The following SOX5 variants were observed in gnomAD, a reference collection of about 807,000 sequenced individuals.
SOX5 encodes the protein transcription factor SOX-5.
SOX5 carries 9 observed loss-of-function variants against 92.0 expected under a neutral mutation model. That is an observed-to-expected ratio of 0.10 (90% confidence interval 0.06 to 0.17). The LOEUF is 0.17. Among genes scored for constraint, SOX5 ranks in the 10% least tolerant of loss-of-function variants. The pLI, the probability that SOX5 is intolerant of heterozygous loss-of-function variation, is 1.00. For synonymous variants in SOX5, 344 were observed against 336.3 expected, an observed-to-expected ratio of 1.02 and a Z score of -0.25; for missense variants, 642 against 944.5, an observed-to-expected ratio of 0.68 and a Z score of 4.20.
At chr12:23,844,126 G>A (rs944678765) in intron 3 of SOX5, among the ~76,000 whole-genome samples, 6 of 152,130 alleles carry the variant, frequency 3.9e-5, no homozygotes, top group Admixed American at 3.3e-4. Context: ...CCACCACAGG[G>A]CAAAATCATC....
At chr12:24,123,852 A>G (rs1437668872) in intron 4 of SOX5, among the ~76,000 whole-genome samples, 1 of 152,184 alleles carries the variant, frequency 6.6e-6, no homozygotes, top group African/African-American at 2.4e-5. Flanking sequence ...TCCTCCCTGT[A>G]TTGAGCACCA....
At chr12:24,158,011 A>C (rs1243636533) in intron 4 of SOX5, among the ~76,000 whole-genome samples, 1 of 152,058 alleles carries the variant, frequency 6.6e-6, no homozygotes, top group Admixed American at 6.6e-5. Context: ...GTTCCTTTAA[A>C]AGGAGAGTCT....
chr12:23,904,582 A>G (rs1034008372), intron 1 of SOX5, among the ~76,000 whole-genome samples: 9 of 152,218 alleles, frequency 5.9e-5, no homozygotes, highest in Admixed American at 2.0e-4. Flanking sequence ...TTATGAATAA[A>G]TTAATATTCT....
chr12:23,678,745 CA>C (rs74919860), intron 6 of SOX5, among the ~76,000 whole-genome samples: 65,732 of 151,848 alleles, frequency 0.43, 14,393 homozygotes, highest in Admixed American at 0.5. Context: ...GATAAAGAAA[CA>C]GGGAAGCCTA....
At position 23,604,550 on chromosome 12, in the gene SOX5, G is replaced by A. The variant is rs200894318; in HGVS notation, c.1018-17C>T. 5 of 1,610,440 alleles carry A rather than the reference G, an allele frequency of 3.1e-6. No homozygotes were observed. The East Asian group carries it at 1.1e-4, about 36-fold the overall frequency. On this transcript the variant is annotated splice_polypyrimidine_tract_variant and intron_variant, in intron 8 of 14. Coordinates refer to ENST00000451604, the MANE Select transcript of SOX5 (RefSeq NM_006940.6). ...ATATAACTGCTACAGAAGAAAAAGA[G>A]AGAGAGGGAGAAAGAATACTGTGAA...
chr12:23,782,476 G>A (rs1296118580), intron 3 of SOX5, among the ~76,000 whole-genome samples: 1 of 152,086 alleles, frequency 6.6e-6, no homozygotes, highest in Non-Finnish European at 1.5e-5. Context: ...AAAAGTCAGG[G>A]AGAAAGTTCC....
At chr12:24,011,602 T>C (rs1164266212) in intron 4 of SOX5, among the ~76,000 whole-genome samples, 2 of 152,194 alleles carry the variant, frequency 1.3e-5, no homozygotes, top group African/African-American at 4.8e-5. Context: ...TCCTTTGTGG[T>C]AAAAACCTCT....
intron 3 of SOX5, among the ~76,000 whole-genome samples, chr12:23,790,161 G>A (rs749214704): frequency 2.0e-5 from 3 of 152,018 alleles, no homozygotes; most frequent in African/African-American, 7.2e-5. Context: ...AAAAACAAAT[G>A]TATGAAATAG....
At chr12:23,649,163 C>T (rs2081244865) in intron 7 of SOX5, among the ~76,000 whole-genome samples, 1 of 151,562 alleles carries the variant, frequency 6.6e-6, no homozygotes, top group East Asian at 1.9e-4. Context: ...TTAAAAAATT[C>T]AAAATATATT....
chr12:24,214,134 C>T (rs1022925559), intron 3 of SOX5, among the ~76,000 whole-genome samples: 9 of 151,802 alleles, frequency 5.9e-5, no homozygotes, highest in African/African-American at 1.2e-4. Context: ...TAGCAAAGCA[C>T]GGTGCTACAT....
chr12:24,459,469 G>T (rs1446708006), intron 1 of SOX5, among the ~76,000 whole-genome samples: 1 of 152,128 alleles, frequency 6.6e-6, no homozygotes, highest in African/African-American at 2.4e-5. Context: ...AATGTCCCCT[G>T]CTTCTCCAGT....
chr12:24,323,736 G>A (rs1479529793), intron 2 of SOX5, among the ~76,000 whole-genome samples: 2 of 152,072 alleles, frequency 1.3e-5, no homozygotes, highest in Non-Finnish European at 2.9e-5. Context: ...CCCAGATATA[G>A]CTGGTTCTTG....
At chr12:23,781,767 T>C (rs2095284930) in intron 3 of SOX5, among the ~76,000 whole-genome samples, 1 of 152,038 alleles carries the variant, frequency 6.6e-6, no homozygotes, top group Admixed American at 6.5e-5. Flanking sequence ...CAGTCTTTCT[T>C]TGGAAATAAT....
chr12:24,476,226 T>C (rs1475128027), intron 1 of SOX5, among the ~76,000 whole-genome samples: 1 of 152,248 alleles, frequency 6.6e-6, no homozygotes. Context: ...GTATGTCTGT[T>C]GAATCTAACA....
In SOX5 at chr12:23,745,191, A is replaced by C. The variant is rs966943385; in HGVS notation, c.569-4152T>G. Among the ~76,000 whole-genome samples, 13 of 152,278 alleles carry C rather than the reference A, an allele frequency of 8.5e-5. No individual in the cohort carries two copies. In the East Asian group the frequency reaches 2.5e-3, roughly 29 times the overall value. On this transcript the variant is annotated intron_variant, in intron 4 of 14. Coordinates refer to ENST00000451604, the MANE Select transcript of SOX5 (RefSeq NM_006940.6). ...TGCCTTTTACGCAAATGATAACATA[A>C]CATAAATACTGTTGTACTGACTTAG... is the stretch of plus-strand genomic sequence containing the variant.
At chr12:24,359,605 T>C (rs1955288061) in intron 2 of SOX5, among the ~76,000 whole-genome samples, 1 of 152,250 alleles carries the variant, frequency 6.6e-6, no homozygotes, top group Non-Finnish European at 1.5e-5. Context: ...GTACTCTTTC[T>C]ATTGCAACAT....
chr12:23,580,036 A>G (rs1949821411), intron 9 of SOX5, among the ~76,000 whole-genome samples: 1 of 152,096 alleles, frequency 6.6e-6, no homozygotes, highest in Non-Finnish European at 1.5e-5. Flanking sequence ...TATATCATAA[A>G]TATAAAATAA....
intron 1 of SOX5, among the ~76,000 whole-genome samples, chr12:24,372,951 CAAAA>C (rs375852900): frequency 2.4e-5 from 3 of 122,534 alleles, no homozygotes; most frequent in Admixed American, 8.4e-5. Flanking sequence ...CCATCTCTAC[CAAAA>C]AAAAAAAAAA....
chr12:24,151,020 G>A (rs1411968460), intron 4 of SOX5, among the ~76,000 whole-genome samples: 5 of 152,062 alleles, frequency 3.3e-5, no homozygotes, highest in Non-Finnish European at 7.4e-5. Flanking sequence ...GTGAGGTGAA[G>A]AGGAATTGTA....
Sources: allele counts gnomAD v4.1 joint callset (sites outside exome capture counted in the v4.1 genomes callset), GRCh38; gene constraint gnomAD v4.1.1; transcripts MANE v1.5; gene names NCBI Gene and HGNC (gene_info 2026-07-23, HGNC 2026-07-21).